COPS5: variants seen among roughly 807,000 people sequenced by gnomAD.
COPS5 encodes COP9 signalosome subunit 5.
COPS5 carries 8 observed loss-of-function variants against 44.4 expected under a neutral mutation model. That is an observed-to-expected ratio of 0.18 (90% confidence interval 0.11 to 0.32). The LOEUF (loss-of-function observed/expected upper bound fraction) is 0.32. COPS5 is among the 10% of genes least tolerant of loss of function. The pLI is 1.00. For missense variants in COPS5, 159 were observed against 406.4 expected (o/e 0.39, Z 5.23); for synonymous variants, 122 against 142.8 (o/e 0.85, Z 1.04).
intron 1 of COPS5, chr8:67,060,474 C>G (rs1421920312): frequency 7.8e-7 from 1 of 1,289,218 alleles, no homozygotes; most frequent in African/African-American, 1.5e-5. Context: ...AGATTTCAAC[C>G]AAAAGCTGAA....
At chr8:67,050,509 T>C (rs1230765864) in intron 6 of COPS5, among the ~76,000 whole-genome samples, 1 of 151,882 alleles carries the variant, frequency 6.6e-6, no homozygotes, top group Non-Finnish European at 1.5e-5. Context: ...TGTGATTAAG[T>C]AAAGCCAGTC....
chr8:67,050,767 GAA>G (rs5892075), intron 6 of COPS5, among the ~76,000 whole-genome samples: 22 of 133,788 alleles, frequency 1.6e-4, no homozygotes, highest in African/African-American at 3.5e-4. Flanking sequence ...CTAAGAGAAA[GAA>G]AAAAAAAAAA....
Position 67,062,009 on chromosome 8 carries a change from G to C in COPS5, c.-13C>G. ...CGGACGCCGCCATCGCCGAGGAAGCGGAGAAGTTGTCGTCTCTACAACCAA... is the reference window on the plus strand; with the variant it reads ...CGGACGCCGCCATCGCCGAGGAAGCCGAGAAGTTGTCGTCTCTACAACCAA... On this transcript the variant is annotated 5_prime_UTR_variant, in exon 1 of 8. Coordinates refer to ENST00000357849, the MANE Select transcript of COPS5 (RefSeq NM_006837.3). The C allele has an allele frequency of 6.2e-7, 1 of 1,614,168 alleles. No homozygotes were observed.
chr8:67,060,345 A>G (rs1804566473), intron 1 of COPS5: 4 of 1,198,574 alleles, frequency 3.3e-6, no homozygotes, highest in African/African-American at 1.6e-5. Flanking sequence ...CTGTTACAGA[A>G]GCAAGCAGAT....
chr8:67,055,684 G>A (rs755819128), intron 5 of COPS5, among the ~76,000 whole-genome samples: 6 of 152,020 alleles, frequency 3.9e-5, no homozygotes, highest in South Asian at 2.1e-4. Flanking sequence ...TGGCCAACAC[G>A]GTGAAACCCT....
intron 4 of COPS5, 80 bp from the exon 5 acceptor site, chr8:67,056,684 T>G (rs1327206157): frequency 2.0e-5 from 2 of 101,472 alleles, no homozygotes; most frequent in African/African-American, 1.1e-4. Context: ...TATATATATA[T>G]ATATATATAT....
chr8:67,046,007 T>C (rs1290525121), intron 6 of COPS5, 47 bp from the exon 7 acceptor site: 15 of 1,542,490 alleles, frequency 9.7e-6, no homozygotes, highest in Non-Finnish European at 8.8e-7. Context: ...AAGTCTACCA[T>C]TTAAAAATCT....
intron 7 of COPS5, chr8:67,043,610 CTAA>C (rs1816664351): frequency 5.3e-6 from 1 of 188,054 alleles, no homozygotes; most frequent in South Asian, 1.9e-4. Context: ...GAGATTGATT[CTAA>C]TATTATATTA....
At chr8:67,059,679 T>G (rs1288329693) in intron 1 of COPS5, 1 of 485,288 alleles carries the variant, frequency 2.1e-6, no homozygotes, top group Non-Finnish European at 3.7e-6. Flanking sequence ...AATACTTTTT[T>G]AATATGCTAT....
At chr8:67,047,505 A>AAT (rs1316537557) in intron 6 of COPS5, among the ~76,000 whole-genome samples, 34 of 152,342 alleles carry the variant, frequency 2.2e-4, no homozygotes, top group African/African-American at 7.2e-4. Flanking sequence ...TTACATTTCA[A>AAT]ATGTGCAGAA....
intron 4 of COPS5, among the ~76,000 whole-genome samples, chr8:67,056,927 G>T (rs985360431): frequency 6.6e-6 from 1 of 151,308 alleles, no homozygotes; most frequent in African/African-American, 2.4e-5. Context: ...TTCAGATTGC[G>T]GCCTCCTGCC....
At chr8:67,046,877 A>G (rs908583875) in intron 6 of COPS5, among the ~76,000 whole-genome samples, 4 of 151,682 alleles carry the variant, frequency 2.6e-5, no homozygotes, top group Non-Finnish European at 4.4e-5. Flanking sequence ...CAAAATTAAT[A>G]ATTATACAAA....
At position 67,062,066 on chromosome 8, in the gene COPS5, G is replaced by A. The variant is rs762158187; in HGVS notation, c.-70C>T. 4.4e-6 allele frequency: 7 copies of A among 1,608,974 alleles called. No homozygotes were observed. The East Asian group carries it at 1.3e-4, about 31-fold the overall frequency. ...ACTTTACCTCGCTAGGTTTCCGGGT[G>A]TGGGCCTTGACCCTCCGCACCACGG... is the stretch of plus-strand genomic sequence containing the variant. On this transcript the variant is annotated 5_prime_UTR_variant, in exon 1 of 8. Coordinates refer to ENST00000357849, the MANE Select transcript of COPS5 (RefSeq NM_006837.3).
At chr8:67,057,752 T>C (rs544226469) in intron 3 of COPS5, among the ~76,000 whole-genome samples, 7 of 152,200 alleles carry the variant, frequency 4.6e-5, no homozygotes, top group Non-Finnish European at 7.3e-5. Context: ...AAAACCTGGA[T>C]TGCACTTAAA....
chr8:67,043,415 T>C, intron 7 of COPS5, 98 bp from the exon 8 acceptor site: 1 of 676,484 alleles, frequency 1.5e-6, no homozygotes, highest in Non-Finnish European at 2.5e-6. Flanking sequence ...CCAATGAGTT[T>C]AGTTTTATTC....
rs1804409173 is a variant in COPS5 at position 67,051,253 on chromosome 8, A to G, written c.748T>C (p.Leu250=). 2 of 1,608,816 alleles carry G rather than the reference A, an allele frequency of 1.2e-6. No individual in the cohort carries two copies. Among genetic ancestry groups the G allele is most frequent in the Non-Finnish European group, 1.7e-6 (2 of 1,175,876 alleles). The change falls in exon 6 of 8, where the codon TTG becomes CTG. Residue 250 remains leucine, a synonymous_variant. Transcript: ENST00000357849. ...LLWNKYWVNT[L]SSSSLLTNAD... ...ACAGTAAGCAAGCTAGAAGAACTCA[A>G]CGTATTCACCCAGTATTTATTCCAC...
intron 2 of COPS5, 41 bp downstream of exon 2, chr8:67,059,170 C>G: frequency 6.8e-7 from 1 of 1,462,078 alleles, no homozygotes; most frequent in Non-Finnish European, 9.6e-7. Context: ...CCTTGAGACT[C>G]TAACTTGCAA....
intron 1 of COPS5, chr8:67,059,653 G>A: frequency 1.8e-6 from 1 of 545,078 alleles, no homozygotes; most frequent in Non-Finnish European, 3.3e-6. Flanking sequence ...CCCCTTAGGG[G>A]AGGGGAAAAG....
chr8:67,044,540 AAT>A (rs1185814663), intron 7 of COPS5: 1 of 152,102 alleles, frequency 6.6e-6, no homozygotes, highest in Non-Finnish European at 1.5e-5. Flanking sequence ...TATAGAAGTC[AAT>A]ATGTTTCTTC....
Sources: gnomAD v4.1 joint callset for allele counts (sites outside exome capture counted in the v4.1 genomes callset) on GRCh38, gnomAD v4.1.1 for gene constraint, MANE v1.5 for transcripts, NCBI Gene and HGNC (gene_info 2026-07-23, HGNC 2026-07-21) for gene names.